PLCL2: variants seen among roughly 807,000 people sequenced by gnomAD.
PLCL2 encodes phospholipase C like 2.
A neutral mutation model predicts 79.6 loss-of-function variants in PLCL2; 4 were observed. That is an observed-to-expected ratio of 0.05 (90% CI 0.02 to 0.11). The LOEUF is 0.11. Among genes scored for constraint, PLCL2 ranks in the 10% least tolerant of loss-of-function variants. The pLI, the probability that PLCL2 is intolerant of heterozygous loss-of-function variation, is 1.00. For missense variants in PLCL2, 895 were observed against 1,291.0 expected (o/e 0.69, Z 4.70); for synonymous variants, 484 against 457.7 (o/e 1.06, Z -0.73).
In PLCL2 at chr3:17,051,413, A is replaced by G. The variant is rs548767373; in HGVS notation, c.3094+8464A>G. ...TGTATCAAAACATGTCACGTACCCCATAAGTATATATACCTGCTATGCACC... is the reference window on the plus strand; with the variant it reads ...TGTATCAAAACATGTCACGTACCCCGTAAGTATATATACCTGCTATGCACC... On this transcript the variant is annotated intron_variant, in intron 4 of 5. Transcript: ENST00000615277. 2.8e-4 allele frequency among the ~76,000 whole-genome samples: 42 copies of G among 152,274 alleles called. No individual in the cohort carries two copies. In the South Asian group the frequency reaches 7.7e-3, roughly 28 times the overall value.
chr3:17,013,345 A>G (rs2064348408), intron 2 of PLCL2, among the ~76,000 whole-genome samples: 1 of 152,212 alleles, frequency 6.6e-6, no homozygotes, highest in South Asian at 2.1e-4. Flanking sequence ...AATCTAGGCC[A>G]TGAAGATGCA....
chr3:16,943,736 G>C (rs1197078733), intron 1 of PLCL2, among the ~76,000 whole-genome samples: 1 of 152,154 alleles, frequency 6.6e-6, no homozygotes, highest in Middle Eastern at 3.2e-3. Context: ...CTGTATCATT[G>C]TTTTAAGGGT....
At position 17,046,908 on chromosome 3, in the gene PLCL2, G is replaced by A. The variant is rs115445064; in HGVS notation, c.3094+3959G>A. Reference sequence around the variant, plus strand: ...CTGTGTAGAAGCTGGATTAATTAACGCTTAGATCTCTGTGTCCTGACAGTG... The same window carrying A: ...CTGTGTAGAAGCTGGATTAATTAACACTTAGATCTCTGTGTCCTGACAGTG... On this transcript the variant is annotated intron_variant, in intron 4 of 5. Transcript: ENST00000615277. 3.4e-3 allele frequency among the ~76,000 whole-genome samples: 525 copies of A among 152,204 alleles called. 4 individuals are homozygous for A. Among genetic ancestry groups the A allele is most frequent in the African/African-American group, 0.012 (481 of 41,528 alleles).
At chr3:17,036,167 C>T (rs575846492) in intron 3 of PLCL2, among the ~76,000 whole-genome samples, 1 of 152,252 alleles carries the variant, frequency 6.6e-6, no homozygotes, top group South Asian at 2.1e-4. Context: ...GCTCTCTGTC[C>T]TCCCCACAGT....
intron 1 of PLCL2, among the ~76,000 whole-genome samples, chr3:16,988,454 A>G (rs1175974641): frequency 6.6e-6 from 1 of 152,044 alleles, no homozygotes; most frequent in Non-Finnish European, 1.5e-5. Context: ...GAGATTGACC[A>G]TTTCCTTTTC....
intron 1 of PLCL2, among the ~76,000 whole-genome samples, chr3:16,988,586 A>G (rs1485234674): frequency 1.3e-5 from 2 of 152,064 alleles, no homozygotes; most frequent in Non-Finnish European, 2.9e-5. Flanking sequence ...ATTTATGATT[A>G]CCACAGGTTG....
chr3:16,909,548 A>G (rs1477295286), intron 1 of PLCL2, among the ~76,000 whole-genome samples: 1 of 152,344 alleles, frequency 6.6e-6, no homozygotes, highest in East Asian at 1.9e-4. Flanking sequence ...TACACTAAGC[A>G]GATAATGACT....
chr3:16,953,536 A>G (rs2063671940), intron 1 of PLCL2, among the ~76,000 whole-genome samples: 1 of 152,142 alleles, frequency 6.6e-6, no homozygotes, highest in African/African-American at 2.4e-5. Flanking sequence ...TCTCTTTTTC[A>G]TGGATATAAG....
intron 1 of PLCL2, among the ~76,000 whole-genome samples, chr3:16,946,685 G>GT (rs1479938974): frequency 7.2e-5 from 11 of 151,896 alleles, no homozygotes; most frequent in African/African-American, 2.4e-4. Flanking sequence ...ATTTTGTTTT[G>GT]TTTTTTCATT....
intron 3 of PLCL2, among the ~76,000 whole-genome samples, chr3:17,016,165 T>C (rs1261315031): frequency 6.6e-6 from 1 of 152,246 alleles, no homozygotes; most frequent in Non-Finnish European, 1.5e-5. Context: ...GACTTGACCA[T>C]TGGAATACTA....
At chr3:16,980,938 A>G (rs890309626) in intron 1 of PLCL2, among the ~76,000 whole-genome samples, 3 of 152,252 alleles carry the variant, frequency 2.0e-5, no homozygotes, top group Non-Finnish European at 4.4e-5. Flanking sequence ...GCTGGAGACC[A>G]GCCCGGCCAA....
At chr3:17,055,238 A>C (rs1314238854) in intron 4 of PLCL2, among the ~76,000 whole-genome samples, 2 of 152,176 alleles carry the variant, frequency 1.3e-5, no homozygotes, top group Non-Finnish European at 2.9e-5. Context: ...TAAAGACTGG[A>C]TATTGAACCA....
At chr3:16,960,731 A>G (rs1334987838) in intron 1 of PLCL2, among the ~76,000 whole-genome samples, 1 of 152,144 alleles carries the variant, frequency 6.6e-6, no homozygotes, top group African/African-American at 2.4e-5. Flanking sequence ...GGATAAATAA[A>G]TGGTCCCATC....
At chr3:17,052,503 C>T (rs1326031485) in intron 4 of PLCL2, among the ~76,000 whole-genome samples, 1 of 152,174 alleles carries the variant, frequency 6.6e-6, no homozygotes, top group African/African-American at 2.4e-5. Flanking sequence ...CCTGATGATA[C>T]TGGCACTGAA....
At chr3:16,890,336 C>T (rs927734366) in intron 1 of PLCL2, among the ~76,000 whole-genome samples, 6 of 152,184 alleles carry the variant, frequency 3.9e-5, no homozygotes, top group African/African-American at 1.4e-4. Flanking sequence ...ATATTGGCCA[C>T]AAGTTATTTT....
At chr3:17,048,264 A>G (rs2064802223) in intron 4 of PLCL2, among the ~76,000 whole-genome samples, 1 of 152,194 alleles carries the variant, frequency 6.6e-6, no homozygotes, top group South Asian at 2.1e-4. Context: ...GTTTGAAAAT[A>G]CAGTTGACCC....
intron 1 of PLCL2, among the ~76,000 whole-genome samples, chr3:16,939,220 T>C (rs1351201465): frequency 6.6e-6 from 1 of 152,226 alleles, no homozygotes; most frequent in African/African-American, 2.4e-5. Flanking sequence ...GGAATTTGGA[T>C]TAGTAGTCCA....
chr3:17,036,114 G>A (rs2064650944), intron 3 of PLCL2, among the ~76,000 whole-genome samples: 1 of 152,130 alleles, frequency 6.6e-6, no homozygotes, highest in Admixed American at 6.5e-5. Context: ...GACGACCACA[G>A]CTCTTAATGA....
intron 1 of PLCL2, among the ~76,000 whole-genome samples, chr3:16,910,676 C>G (rs1235854333): frequency 6.6e-6 from 1 of 152,066 alleles, no homozygotes; most frequent in Non-Finnish European, 1.5e-5. Flanking sequence ...CGACTCTCTT[C>G]TATGATCCAA....
Sources: allele counts gnomAD v4.1 joint callset (sites outside exome capture counted in the v4.1 genomes callset), GRCh38; gene constraint gnomAD v4.1.1; transcripts MANE v1.5; gene names NCBI Gene and HGNC (gene_info 2026-07-23, HGNC 2026-07-21).